The following NAALADL2 variants were observed in gnomAD, a reference collection of about 807,000 sequenced individuals.
NAALADL2 encodes the protein N-acetylated alpha-linked acidic dipeptidase like 2, also known as inactive N-acetylated-alpha-linked acidic dipeptidase-like protein 2.
A neutral mutation model predicts 87.2 loss-of-function variants in NAALADL2; 76 were observed. The observed-to-expected ratio is 0.87, with a 90% CI of 0.72 to 1.05. The LOEUF is 1.05. NAALADL2 is among the 50% of genes least tolerant of loss of function. The pLI, the probability that NAALADL2 is intolerant of heterozygous loss-of-function variation, is 0.00. For synonymous variants in NAALADL2, 354 were observed against 331.0 expected, an observed-to-expected ratio of 1.07 and a Z score of -0.75; for missense variants, 1,089 against 945.8, an observed-to-expected ratio of 1.15 and a Z score of -1.99.
Position 175,187,445 on chromosome 3 carries a change from A to C in NAALADL2, c.546-46486A>C, listed in dbSNP as rs115354553. Reference sequence around the variant, plus strand: ...GTTTTCCAACTTTTCATTTATTCAAACCCTAATATTGTAAGCTTTAGGTTT... The same window carrying C: ...GTTTTCCAACTTTTCATTTATTCAACCCCTAATATTGTAAGCTTTAGGTTT... On this transcript the variant is annotated intron_variant, in intron 2 of 13. Transcript: ENST00000454872. 8.7e-3 allele frequency among the ~76,000 whole-genome samples: 1,328 copies of C among 152,086 alleles called. 17 individuals are homozygous for C. The highest frequency in any genetic ancestry group is 0.03 in the African/African-American group (1,235 of 41,494).
At chr3:174,913,343 T>C (rs1733950860) in intron 1 of NAALADL2, among the ~76,000 whole-genome samples, 1 of 152,166 alleles carries the variant, frequency 6.6e-6, no homozygotes, top group Non-Finnish European at 1.5e-5. Context: ...CATCCCTCAC[T>C]ATTTTCCTTT....
At chr3:175,011,906 G>T (rs1749875145) in intron 1 of NAALADL2, among the ~76,000 whole-genome samples, 1 of 152,020 alleles carries the variant, frequency 6.6e-6, no homozygotes, top group Non-Finnish European at 1.5e-5. Context: ...TTATAATTGG[G>T]AAACATGTTA....
upstream of NAALADL2, chr3:174,859,319 C>CTACA (rs367637921): frequency 2.8e-4 from 261 of 924,372 alleles, 2 homozygotes; most frequent in East Asian, 6.7e-3. Context: ...TGTTACAATA[C>CTACA]TACAGTAGAA....
In NAALADL2 at chr3:175,804,332, C is replaced by T. The variant is rs1754514412; in HGVS notation, c.*1129C>T. 1 of 151,780 alleles carries T rather than the reference C, an allele frequency of 6.6e-6. No homozygotes were observed. The highest frequency in any genetic ancestry group is 1.5e-5 in the Non-Finnish European group (1 of 67,834). The allele number at this position is 151,780 out of a possible 1,614,324, so 9.4% of individuals were successfully genotyped here. On this transcript the variant is annotated 3_prime_UTR_variant, in exon 14 of 14. Transcript: ENST00000454872. ...GGAAATCTAGAAAATATTCATGCTT[C>T]TAAGTTTCTGCAGTGTTACTGTAAG...
intron 1 of NAALADL2, among the ~76,000 whole-genome samples, chr3:175,053,199 T>G (rs1755642483): frequency 6.6e-6 from 1 of 152,200 alleles, no homozygotes; most frequent in Non-Finnish European, 1.5e-5. Flanking sequence ...ATAGAGTGAT[T>G]ACATCCAGGC....
chr3:175,753,588 C>A (rs1483036451), intron 12 of NAALADL2, among the ~76,000 whole-genome samples: 1 of 152,038 alleles, frequency 6.6e-6, no homozygotes, highest in Non-Finnish European at 1.5e-5. Context: ...ATACATCTAA[C>A]CTAGTTTTCC....
chr3:175,487,013 C>T (rs1258382516), intron 9 of NAALADL2, among the ~76,000 whole-genome samples: 3 of 152,152 alleles, frequency 2.0e-5, no homozygotes, highest in Non-Finnish European at 4.4e-5. Context: ...AGCAAAGTAG[C>T]CAGTTATCCT....
intron 3 of NAALADL2, among the ~76,000 whole-genome samples, chr3:174,785,503 G>A (rs542895084): frequency 9.9e-5 from 15 of 152,174 alleles, no homozygotes; most frequent in African/African-American, 3.6e-4. Flanking sequence ...TGCTCTATGT[G>A]TCTGTTTTTG....
Position 175,757,940 on chromosome 3 carries a change from C to A in NAALADL2, c.2189+2522C>A, listed in dbSNP as rs886309141. Among the ~76,000 whole-genome samples, 72 of 151,936 alleles carry A rather than the reference C, an allele frequency of 4.7e-4. 1 individual carries two copies. The highest frequency in any genetic ancestry group is 2.2e-3 in the Admixed American group (34 of 15,270). On this transcript the variant is annotated intron_variant, in intron 13 of 13. Transcript: ENST00000454872. ...TTAAAGAAAAATTCAGAAATTAATA[C>A]AAATTATATGTAAAGAACATAGTTT...
chr3:174,779,903 G>A (rs557204735), intron 3 of NAALADL2, among the ~76,000 whole-genome samples: 2 of 123,842 alleles, frequency 1.6e-5, no homozygotes, highest in African/African-American at 6.6e-5. Context: ...AAGTCAGGTA[G>A]CTTGATGCCT....
intron 1 of NAALADL2, among the ~76,000 whole-genome samples, chr3:174,894,043 C>G (rs1307705104): frequency 6.6e-6 from 1 of 151,818 alleles, no homozygotes. Context: ...ACCAAAAAGA[C>G]CAGGAGTCAC....
At chr3:175,501,241 A>G (rs1459043388) in intron 9 of NAALADL2, among the ~76,000 whole-genome samples, 3 of 152,112 alleles carry the variant, frequency 2.0e-5, no homozygotes, top group Admixed American at 2.0e-4. Flanking sequence ...ATTGGTTCAT[A>G]TATTTGAATC....
chr3:175,730,419 T>TATATATATATATATAG (rs1743552868), intron 11 of NAALADL2, among the ~76,000 whole-genome samples: 2 of 111,512 alleles, frequency 1.8e-5, no homozygotes, highest in Non-Finnish European at 3.8e-5. Flanking sequence ...TATATATATA[T>TATATATATATATATAG]ATATATATAT....
In NAALADL2 at chr3:175,755,434, CA is replaced by C. The variant is rs1747141516; in HGVS notation, c.2189+21del. 1.9e-6 allele frequency: 3 copies of C among 1,542,224 alleles called. No homozygotes were observed. Among genetic ancestry groups the C allele is most frequent in the Admixed American group, 2.0e-5 (1 of 50,326 alleles). ...GTTTTTATAGGTAGGATGCATGTCT[CA>C]AAAATTATACTTTTTGCCCTACATT... On this transcript the variant is annotated intron_variant, in intron 13 of 13. Transcript: ENST00000454872.
chr3:174,831,542 T>G (rs1025320616), intron 3 of NAALADL2, among the ~76,000 whole-genome samples: 1 of 148,976 alleles, frequency 6.7e-6, no homozygotes, highest in Admixed American at 6.7e-5. Flanking sequence ...GCATCAATGT[T>G]CATCAAGGAT....
intron 2 of NAALADL2, among the ~76,000 whole-genome samples, chr3:174,715,001 G>A (rs953704860): frequency 1.3e-5 from 2 of 152,106 alleles, no homozygotes; most frequent in African/African-American, 4.8e-5. Flanking sequence ...AGAGTTTTTA[G>A]CATGAAGAGT....
chr3:175,741,777 A>G (rs1464279319), intron 12 of NAALADL2, among the ~76,000 whole-genome samples: 1 of 152,170 alleles, frequency 6.6e-6, no homozygotes, highest in African/African-American at 2.4e-5. Context: ...CACTAGGTTG[A>G]TGGTTGAGAC....
At chr3:174,934,293 G>A (rs1051819165) in intron 1 of NAALADL2, among the ~76,000 whole-genome samples, 1 of 152,076 alleles carries the variant, frequency 6.6e-6, no homozygotes, top group Admixed American at 6.6e-5. Flanking sequence ...CAAGAGACTC[G>A]GATTACATGT....
At chr3:174,752,703 G>T (rs555398701) in intron 3 of NAALADL2, among the ~76,000 whole-genome samples, 2 of 151,598 alleles carry the variant, frequency 1.3e-5, no homozygotes, top group Non-Finnish European at 2.9e-5. Context: ...CTTGAAGTTA[G>T]CTGTGTAATT....
Sources: allele counts gnomAD v4.1 joint callset (sites outside exome capture counted in the v4.1 genomes callset), GRCh38; gene constraint gnomAD v4.1.1; transcripts MANE v1.5; gene names NCBI Gene and HGNC (gene_info 2026-07-23, HGNC 2026-07-21).